HPSE: variants seen among roughly 807,000 people sequenced by gnomAD.
The protein encoded by HPSE is heparanase, also known as endo-glucoronidase.
A neutral mutation model predicts 65.1 loss-of-function variants in HPSE; 48 were observed. The observed-to-expected ratio is 0.74, with a 90% CI of 0.58 to 0.94. HPSE has a LOEUF of 0.94. Among genes scored for constraint, HPSE ranks in the 40% least tolerant of loss-of-function variants. The probability of loss-of-function intolerance (pLI) is 0.00; values close to 1 mark genes in which losing one functional copy is unlikely to be tolerated. For missense variants in HPSE, 644 were observed against 637.5 expected (o/e 1.01, Z -0.11); for synonymous variants, 243 against 260.0 (o/e 0.93, Z 0.63).
intron 9 of HPSE, among the ~76,000 whole-genome samples, chr4:83,303,735 C>T (rs1184363440): frequency 6.6e-6 from 1 of 152,038 alleles, no homozygotes; most frequent in African/African-American, 2.4e-5. Flanking sequence ...TTTTTTGTTG[C>T]CGTAGCTGGT....
chr4:83,320,027 C>CA (rs1736822550), intron 2 of HPSE, among the ~76,000 whole-genome samples: 1 of 36,882 alleles, frequency 2.7e-5, no homozygotes, highest in East Asian at 1.0e-3. Context: ...GAGACACTGT[C>CA]TAAAAAAAAA....
At chr4:83,334,893 C>G (rs1737558832), upstream of HPSE, 4 of 1,422,904 alleles carry the variant, frequency 2.8e-6, no homozygotes, top group Admixed American at 5.8e-5. Context: ...TCCTCCGCCC[C>G]GTTACGCCTC....
intron 1 of HPSE, among the ~76,000 whole-genome samples, chr4:83,333,503 G>A (rs1737479547): frequency 6.6e-6 from 1 of 152,150 alleles, no homozygotes; most frequent in Non-Finnish European, 1.5e-5. Flanking sequence ...GTGAGATAAT[G>A]GTGATCTTTC....
chr4:83,331,031 C>T lies in HPSE; in HGVS notation c.227+3525G>A, dbSNP rs553544797. Among the ~76,000 whole-genome samples the T allele has an allele frequency of 5.9e-5, 9 of 151,936 alleles. No individual in the cohort carries two copies. The South Asian group carries it at 1.9e-3, about 32-fold the overall frequency. On this transcript the variant is annotated intron_variant, in intron 1 of 11. Transcript: ENST00000311412. ...ATTAGCCTGGCCAACATGGTGAAACCCTGTCTCTACTAAAAATACACAATT... is the reference window on the plus strand; with the variant it reads ...ATTAGCCTGGCCAACATGGTGAAACTCTGTCTCTACTAAAAATACACAATT...
chr4:83,302,386 GGCATTTAA>G, intron 9 of HPSE, 118 bp from the exon 10 acceptor site: 1 of 650,400 alleles, frequency 1.5e-6, no homozygotes, highest in Non-Finnish European at 2.7e-6. Context: ...TTATCCTGGG[GGCATTTAA>G]ATAGGATTCA....
intron 4 of HPSE, among the ~76,000 whole-genome samples, chr4:83,311,313 A>C (rs546306559): frequency 6.6e-6 from 1 of 152,246 alleles, no homozygotes; most frequent in African/African-American, 2.4e-5. Flanking sequence ...TCAAAAAATA[A>C]AATAAATAAG....
At chr4:83,320,668 G>C (rs1055466347) in intron 2 of HPSE, among the ~76,000 whole-genome samples, 2 of 152,152 alleles carry the variant, frequency 1.3e-5, no homozygotes, top group Admixed American at 1.3e-4. Context: ...TGCCAGGGCC[G>C]GCTGACTGGC....
rs756900622 is a variant in HPSE at position 83,308,868 on chromosome 4, G to A, written c.1068C>T (p.Ser356=). 8.7e-6 allele frequency: 14 copies of A among 1,613,768 alleles called. No individual in the cohort carries two copies. The highest frequency in any genetic ancestry group is 5.0e-5 in the Admixed American group (3 of 59,986). ...ACATAAAGCCAGCTGCAAAGGTGTC[G>A]GATAGCAAGGGCGCTCCGCCTCCAT... ...SAYGGGAPLL[S]DTFAAGFMWL... Residue 356 remains serine, a synonymous_variant, in exon 8 of 12, where the codon TCC becomes TCT. Transcript: ENST00000311412.
chr4:83,306,109 T>C (rs2126185879), intron 9 of HPSE, 94 bp downstream of exon 9: 1 of 687,760 alleles, frequency 1.5e-6, no homozygotes, highest in Non-Finnish European at 2.6e-6. Context: ...GGCTAGTTAC[T>C]GAGAGGACTG....
intron 3 of HPSE, among the ~76,000 whole-genome samples, chr4:83,317,713 C>A (rs902341013): frequency 6.6e-6 from 1 of 152,054 alleles, no homozygotes. Context: ...TTTAATGCGA[C>A]CCCCCAAGAC....
Position 83,293,388 on chromosome 4 carries a change from C to T in HPSE, c.*1956G>A, listed in dbSNP as rs1030705332. 6.6e-6 allele frequency: 1 copy of T among 152,210 alleles called. No homozygotes were observed. Among genetic ancestry groups the T allele is most frequent in the African/African-American group, 2.4e-5 (1 of 41,444 alleles). The allele number at this position is 152,210 out of a possible 1,614,324, so 9.4% of individuals were successfully genotyped here. A position where few individuals can be genotyped will look rare whatever the true frequency, so the allele number is the denominator to read the frequency against. ...TTTGAAGGGGCCCATGAAACAGCTA[C>T]AGCCATCATGCTACCAGAGTCTGAG... On this transcript the variant is annotated 3_prime_UTR_variant, in exon 12 of 12. Transcript: ENST00000311412.
chr4:83,309,402 C>G lies in HPSE; in HGVS notation c.984G>C (p.Gln328His). 1.3e-6 allele frequency: 2 copies of G among 1,513,886 alleles called. No individual in the cohort carries two copies. The highest frequency in any genetic ancestry group is 2.4e-5 in the South Asian group (2 of 83,300). 93.8% of individuals were successfully genotyped at this position (1,513,886 alleles called of 1,614,324 possible). A position where few individuals can be genotyped will look rare whatever the true frequency, so the allele number is the denominator to read the frequency against. Reference sequence around the variant, plus strand: ...TTAAAAAGTTTAAAAAGACTATTACCTGGAAAACTTTTTGCACAGATGAAA... The same window carrying G: ...TTAAAAAGTTTAAAAAGACTATTACGTGGAAAACTTTTTGCACAGATGAAA... ...IFISSVQKVF[Q>H]VVESTRPGKK... Residue 328 changes from glutamine (Q) to histidine (H), a missense_variant and splice_region_variant, in exon 7 of 12, where the codon CAG becomes CAC. By Grantham distance (24) the Gln-to-His change is conservative. Transcript: ENST00000311412.
Position 83,306,251 on chromosome 4 carries a change from A to G in HPSE, c.1158T>C (p.Phe386=), listed in dbSNP as rs781396385. 6.2e-7 allele frequency: 1 copy of G among 1,613,870 alleles called. No homozygotes were observed. The highest frequency in any genetic ancestry group is 8.5e-7 in the Non-Finnish European group (1 of 1,179,738). ...CCACTAAATGGTAGTTTCCTGCTCC[A>G]AAGAATACTTGCCTCATCACCACTT... ...GIEVVMRQVF[F]GAGNYHLVDE... is the part of the protein sequence containing the mutation. The change falls in exon 9 of 12, where the codon TTT becomes TTC. Residue 386 remains phenylalanine, a synonymous_variant. Transcript: ENST00000311412.
intron 11 of HPSE, 103 bp from the exon 12 acceptor site, chr4:83,295,606 TG>T: frequency 1.2e-6 from 1 of 827,040 alleles, no homozygotes; most frequent in Non-Finnish European, 1.8e-6. Context: ...AATTTTTTTT[TG>T]TGGCAGCCTA....
chr4:83,310,099 T>C, intron 5 of HPSE, 21 bp from the exon 6 acceptor site: 1 of 1,561,870 alleles, frequency 6.4e-7, no homozygotes, highest in Non-Finnish European at 8.8e-7. Context: ...AATTTTATTA[T>C]CACTCAGTCA....
At chr4:83,305,588 T>G (rs10428385) in intron 9 of HPSE, among the ~76,000 whole-genome samples, 77,919 of 152,102 alleles carry the variant, frequency 0.51, 22,709 homozygotes, top group East Asian at 0.76. Flanking sequence ...GTCATGCTTC[T>G]CAGGGCTACA....
intron 11 of HPSE, among the ~76,000 whole-genome samples, chr4:83,296,624 G>A (rs528455907): frequency 3.3e-4 from 50 of 150,544 alleles, no homozygotes; most frequent in African/African-American, 1.2e-3. Context: ...GCAGTGAGCC[G>A]AGATTGCACC....
At chr4:83,308,608 A>C (rs1014747321) in intron 8 of HPSE, among the ~76,000 whole-genome samples, 6 of 152,198 alleles carry the variant, frequency 3.9e-5, no homozygotes, top group African/African-American at 1.4e-4. Context: ...ATGGGCCATA[A>C]TTAAAGGCCA....
At position 83,313,145 on chromosome 4, in the gene HPSE, C is replaced by A. The variant is rs201180302; in HGVS notation, c.642G>T (p.Lys214Asn). 3 of 1,613,890 alleles carry A rather than the reference C, an allele frequency of 1.9e-6. No homozygotes were observed. The Admixed American group carries it at 5.0e-5, about 27-fold the overall frequency. The change falls in exon 4 of 12, where the codon AAG becomes AAT. Residue 214 changes from lysine to asparagine, a missense_variant. By Grantham distance (94) the Lys-to-Asn change is moderately conservative. Transcript: ENST00000311412. ...CTAGTTCCCAAGAAATGTTATACCCCTTGGAAGAGCAGTAGTCCAGGAGCA... is the reference window on the plus strand; with the variant it reads ...CTAGTTCCCAAGAAATGTTATACCCATTGGAAGAGCAGTAGTCCAGGAGCA... The part of the protein sequence containing the change: ...AQLLLDYCSS[K>N]GYNISWELGN...
Sources: gnomAD v4.1 joint callset for allele counts (sites outside exome capture counted in the v4.1 genomes callset) on GRCh38, gnomAD v4.1.1 for gene constraint, MANE v1.5 for transcripts, NCBI Gene and HGNC (gene_info 2026-07-23, HGNC 2026-07-21) for gene names.